Variants in RASGRF2 observed in about 807,000 individuals in gnomAD.
RASGRF2 encodes the protein Ras protein specific guanine nucleotide releasing factor 2.
In RASGRF2, 76 loss-of-function variants were observed where a neutral mutation model predicts 151.0. The ratio of observed to expected loss-of-function variants is 0.50; its 90% confidence interval spans 0.42 to 0.61. RASGRF2 has a LOEUF of 0.61. Ranked by LOEUF, RASGRF2 falls within the 20% of genes least tolerant of loss-of-function variation. The probability of loss-of-function intolerance (pLI) is 0.00; values close to 1 mark genes in which losing one functional copy is unlikely to be tolerated. For synonymous variants in RASGRF2, 504 were observed against 566.5 expected, an observed-to-expected ratio of 0.89 and a Z score of 1.57; for missense variants, 1,148 against 1,564.6, an observed-to-expected ratio of 0.73 and a Z score of 4.49.
intron 22 of RASGRF2, among the ~76,000 whole-genome samples, chr5:81,210,790 G>C (rs1350603150): frequency 6.6e-6 from 1 of 152,016 alleles, no homozygotes; most frequent in Non-Finnish European, 1.5e-5. Flanking sequence ...ATGGCTGCCA[G>C]GTCCTCCATT....
intron 2 of RASGRF2, among the ~76,000 whole-genome samples, chr5:81,052,503 T>C (rs1266377720): frequency 1.3e-5 from 2 of 152,168 alleles, no homozygotes; most frequent in Non-Finnish European, 2.9e-5. Context: ...CTTTTTGATC[T>C]CTCTTAACTA....
chr5:81,168,541 C>T (rs1754569864), intron 17 of RASGRF2, among the ~76,000 whole-genome samples: 1 of 152,058 alleles, frequency 6.6e-6, no homozygotes, highest in South Asian at 2.1e-4. Flanking sequence ...GAACTCCTGA[C>T]CTCAGGTGAT....
At chr5:81,066,467 A>G (rs1751605639) in intron 2 of RASGRF2, among the ~76,000 whole-genome samples, 1 of 152,200 alleles carries the variant, frequency 6.6e-6, no homozygotes, top group African/African-American at 2.4e-5. Flanking sequence ...GGTTAAAAGA[A>G]AGAATTTATT....
chr5:81,005,147 A>C (rs1375199475), intron 1 of RASGRF2, among the ~76,000 whole-genome samples: 1 of 152,162 alleles, frequency 6.6e-6, no homozygotes, highest in Admixed American at 6.5e-5. Context: ...TTCATTTAAC[A>C]TTAGTGTATT....
chr5:81,039,916 C>G (rs1243951570), intron 1 of RASGRF2, among the ~76,000 whole-genome samples: 2 of 152,130 alleles, frequency 1.3e-5, no homozygotes, highest in African/African-American at 4.8e-5. Flanking sequence ...CTAGTTAGGA[C>G]AGTTTGTCCT....
At chr5:81,007,891 C>A (rs1344838464) in intron 1 of RASGRF2, among the ~76,000 whole-genome samples, 1 of 152,016 alleles carries the variant, frequency 6.6e-6, no homozygotes. Context: ...AAGAGAGAGA[C>A]GTGAACAGGA....
chr5:80,973,286 C>T (rs955942171), intron 1 of RASGRF2, among the ~76,000 whole-genome samples: 24 of 152,154 alleles, frequency 1.6e-4, no homozygotes, highest in African/African-American at 5.6e-4. Flanking sequence ...GGATGTCTTC[C>T]TTTTAGAGGA....
intron 1 of RASGRF2, among the ~76,000 whole-genome samples, chr5:81,035,774 C>A (rs908758361): frequency 6.6e-6 from 1 of 152,024 alleles, no homozygotes; most frequent in African/African-American, 2.4e-5. Context: ...GTTGTTAAGG[C>A]ATACAGACAG....
chr5:81,189,934 G>A (rs1755121114), intron 18 of RASGRF2, among the ~76,000 whole-genome samples: 1 of 151,544 alleles, frequency 6.6e-6, no homozygotes, highest in African/African-American at 2.4e-5. Flanking sequence ...GGCTGGTCTC[G>A]AACTCCTGAC....
chr5:81,024,896 TG>T (rs1271038118), intron 1 of RASGRF2, among the ~76,000 whole-genome samples: 1 of 152,234 alleles, frequency 6.6e-6, no homozygotes, highest in Non-Finnish European at 1.5e-5. Context: ...ATCCCATCCC[TG>T]GCTGGAACTT....
intron 2 of RASGRF2, among the ~76,000 whole-genome samples, chr5:81,043,852 C>T (rs1452348482): frequency 6.6e-6 from 1 of 152,212 alleles, no homozygotes; most frequent in Non-Finnish European, 1.5e-5. Context: ...CTACCACTCC[C>T]GCCCTGAGAC....
chr5:81,120,929 G>A (rs1293459206), intron 15 of RASGRF2, among the ~76,000 whole-genome samples: 1 of 152,188 alleles, frequency 6.6e-6, no homozygotes, highest in African/African-American at 2.4e-5. Flanking sequence ...CTCGGGTTGA[G>A]GTAGCTCTTT....
intron 17 of RASGRF2, among the ~76,000 whole-genome samples, chr5:81,150,650 A>G (rs1754112946): frequency 6.6e-6 from 1 of 152,154 alleles, no homozygotes; most frequent in African/African-American, 2.4e-5. Flanking sequence ...ACACACACAC[A>G]TACACACACA....
At chr5:81,172,237 T>C (rs1039061942) in intron 17 of RASGRF2, among the ~76,000 whole-genome samples, 2 of 152,194 alleles carry the variant, frequency 1.3e-5, no homozygotes, top group African/African-American at 4.8e-5. Flanking sequence ...TTAAATTCAA[T>C]ATATAATCAT....
intron 1 of RASGRF2, among the ~76,000 whole-genome samples, chr5:81,022,469 C>T (rs1400398496): frequency 6.6e-6 from 1 of 152,132 alleles, no homozygotes; most frequent in African/African-American, 2.4e-5. Flanking sequence ...TGGGGTGGAG[C>T]AAGAGGACAT....
At chr5:81,126,008 G>A (rs1022023601) in intron 16 of RASGRF2, among the ~76,000 whole-genome samples, 2 of 152,236 alleles carry the variant, frequency 1.3e-5, no homozygotes, top group Non-Finnish European at 2.9e-5. Flanking sequence ...TGTTTTATGC[G>A]TTTGTGCTTG....
intron 1 of RASGRF2, among the ~76,000 whole-genome samples, chr5:80,996,202 A>C (rs774830687): frequency 1.3e-5 from 2 of 152,126 alleles, no homozygotes; most frequent in Non-Finnish European, 2.9e-5. Context: ...GAGGAAAGTA[A>C]TTACAATTTT....
At chr5:80,978,735 C>A (rs1429592205) in intron 1 of RASGRF2, among the ~76,000 whole-genome samples, 1 of 151,444 alleles carries the variant, frequency 6.6e-6, no homozygotes, top group Non-Finnish European at 1.5e-5. Flanking sequence ...TGCAGTGAGC[C>A]AAGATCGTGC....
At chr5:81,140,453 C>T (rs1000595941) in intron 17 of RASGRF2, among the ~76,000 whole-genome samples, 1 of 152,056 alleles carries the variant, frequency 6.6e-6, no homozygotes, top group Non-Finnish European at 1.5e-5. Flanking sequence ...CACATGCACA[C>T]ACGCACACTC....
Sources: gnomAD v4.1 joint callset for allele counts (sites outside exome capture counted in the v4.1 genomes callset) on GRCh38, gnomAD v4.1.1 for gene constraint, MANE v1.5 for transcripts, NCBI Gene and HGNC (gene_info 2026-07-23, HGNC 2026-07-21) for gene names.